Variants in PTGR2 observed in about 807,000 individuals in gnomAD.
The protein encoded by PTGR2 is prostaglandin reductase 2, also known as 15-oxoprostaglandin 13-reductase.
In PTGR2, 32 loss-of-function variants were observed where a neutral mutation model predicts 43.4. The ratio of observed to expected loss-of-function variants is 0.74; its 90% CI spans 0.56 to 0.99. The LOEUF is 0.99. Among genes scored for constraint, PTGR2 ranks in the 50% least tolerant of loss-of-function variants. The pLI is 0.00. For missense variants in PTGR2, 373 were observed against 420.0 expected, an observed-to-expected ratio of 0.89 and a Z score of 0.98; for synonymous variants, 106 against 139.2, an observed-to-expected ratio of 0.76 and a Z score of 1.68.
At chr14:73,868,171 C>A (rs1340876541) in intron 3 of PTGR2, among the ~76,000 whole-genome samples, 3 of 152,162 alleles carry the variant, frequency 2.0e-5, no homozygotes, top group Non-Finnish European at 4.4e-5. Flanking sequence ...TGCCTGTAGT[C>A]CCAGCTACTT....
At position 73,879,575 on chromosome 14, in the gene PTGR2, G is replaced by T. The variant is rs2054936071; in HGVS notation, c.729+270G>T. 1.8e-5 allele frequency: 7 copies of T among 386,214 alleles called. No homozygotes were observed. The South Asian group carries it at 2.1e-4, about 12-fold the overall frequency. The allele number at this position is 386,214 out of a possible 1,614,324, so 23.9% of individuals were successfully genotyped here. On this transcript the variant is annotated intron_variant, in intron 6 of 9. Transcript: ENST00000555661. Reference sequence around the variant, plus strand: ...TTTATTTTTGTGAAAAATTACAGTTGCATTGTTGAAATGCTGAAGCACTGA... The same window carrying T: ...TTTATTTTTGTGAAAAATTACAGTTTCATTGTTGAAATGCTGAAGCACTGA...
chr14:73,854,456 C>A (rs1197178116), intron 1 of PTGR2, among the ~76,000 whole-genome samples: 1 of 152,118 alleles, frequency 6.6e-6, no homozygotes, highest in Non-Finnish European at 1.5e-5. Flanking sequence ...GGATATCACA[C>A]AATTATCCTA....
chr14:73,875,490 C>T (rs1294594180), intron 4 of PTGR2, among the ~76,000 whole-genome samples: 5 of 152,090 alleles, frequency 3.3e-5, no homozygotes, highest in African/African-American at 4.8e-5. Context: ...GGATTACAGG[C>T]GTCTACCACC....
chr14:73,863,179 T>A (rs563306601), intron 3 of PTGR2, among the ~76,000 whole-genome samples: 1 of 152,308 alleles, frequency 6.6e-6, no homozygotes, highest in African/African-American at 2.4e-5. Flanking sequence ...TATGGTATAA[T>A]TAGCAATCAT....
At chr14:73,854,805 C>G (rs544158792) in intron 1 of PTGR2, among the ~76,000 whole-genome samples, 1 of 152,032 alleles carries the variant, frequency 6.6e-6, no homozygotes, top group East Asian at 1.9e-4. Flanking sequence ...CATATGTAGC[C>G]CTACATGACA....
At chr14:73,873,416 A>T (rs1052892045) in intron 3 of PTGR2, among the ~76,000 whole-genome samples, 17 of 152,102 alleles carry the variant, frequency 1.1e-4, no homozygotes, top group African/African-American at 4.1e-4. Context: ...TTGTGGTGAG[A>T]ACACTTAGAA....
intron 7 of PTGR2, 151 bp from the exon 8 acceptor site, chr14:73,881,054 G>A (rs936868599): frequency 3.9e-6 from 2 of 514,142 alleles, no homozygotes; most frequent in Non-Finnish European, 7.1e-6. Context: ...ATTTACACCT[G>A]TAACTATGCA....
chr14:73,856,408 C>A (rs548853373), intron 1 of PTGR2, among the ~76,000 whole-genome samples: 1 of 127,282 alleles, frequency 7.9e-6, no homozygotes, highest in Non-Finnish European at 1.8e-5. Flanking sequence ...ACCTGCCCAC[C>A]GGCTATTTTT....
At chr14:73,853,489 A>G (rs2054277870) in intron 1 of PTGR2, among the ~76,000 whole-genome samples, 2 of 151,756 alleles carry the variant, frequency 1.3e-5, no homozygotes, top group Admixed American at 6.6e-5. Context: ...CGCCGGGCTG[A>G]TTTTTGTATT....
At chr14:73,862,340 C>T (rs1011586754) in intron 3 of PTGR2, among the ~76,000 whole-genome samples, 7 of 152,050 alleles carry the variant, frequency 4.6e-5, no homozygotes, top group Non-Finnish European at 1.0e-4. Flanking sequence ...CCCGAGCAGC[C>T]AGGACTACAG....
At chr14:73,875,951 G>A (rs138959441) in intron 4 of PTGR2, among the ~76,000 whole-genome samples, 24 of 150,338 alleles carry the variant, frequency 1.6e-4, no homozygotes, top group African/African-American at 5.1e-4. Flanking sequence ...CTTCTGAGTA[G>A]CTGGGTTTTG....
chr14:73,879,957 CAG>C, intron 6 of PTGR2, 96 bp from the exon 7 acceptor site: 1 of 1,232,700 alleles, frequency 8.1e-7, no homozygotes, highest in Non-Finnish European at 1.1e-6. Flanking sequence ...AACTAGTTGA[CAG>C]AAAGGATTAA....
intron 1 of PTGR2, among the ~76,000 whole-genome samples, chr14:73,854,768 A>T (rs2054305881): frequency 6.6e-6 from 1 of 152,198 alleles, no homozygotes; most frequent in Non-Finnish European, 1.5e-5. Context: ...ACATATGGTG[A>T]TTCTGTAGAA....
At chr14:73,855,785 C>T (rs985405902) in intron 1 of PTGR2, among the ~76,000 whole-genome samples, 3 of 146,876 alleles carry the variant, frequency 2.0e-5, no homozygotes, top group Admixed American at 6.8e-5. Context: ...GGGCCGGGCG[C>T]GGTGGCTCAT....
intron 9 of PTGR2, among the ~76,000 whole-genome samples, chr14:73,883,270 C>T (rs186343101): frequency 7.9e-6 from 1 of 127,020 alleles, no homozygotes. Flanking sequence ...GTGGCATGAT[C>T]ATAGCTAACT....
chr14:73,869,975 G>A (rs2054688572), intron 3 of PTGR2, among the ~76,000 whole-genome samples: 1 of 151,642 alleles, frequency 6.6e-6, no homozygotes, highest in African/African-American at 2.4e-5. Context: ...GCATTGAGCT[G>A]AGATTGTGCC....
At chr14:73,856,589 T>C (rs2140230789) in intron 1 of PTGR2, among the ~76,000 whole-genome samples, 1 of 152,292 alleles carries the variant, frequency 6.6e-6, no homozygotes, top group South Asian at 2.1e-4. Flanking sequence ...TACTGTACTT[T>C]TTCTATGTTT....
chr14:73,881,476 T>C (rs1207838241), intron 8 of PTGR2, among the ~76,000 whole-genome samples, 184 bp downstream of exon 8: 1 of 152,228 alleles, frequency 6.6e-6, no homozygotes, highest in Non-Finnish European at 1.5e-5. Flanking sequence ...CAACAAACCC[T>C]TGCTTGTTAT....
chr14:73,867,969 T>C (rs997341336), intron 3 of PTGR2, among the ~76,000 whole-genome samples: 1 of 152,204 alleles, frequency 6.6e-6, no homozygotes, highest in Non-Finnish European at 1.5e-5. Flanking sequence ...TTGAGACCAA[T>C]CAGCCTTGAC....
Sources: gnomAD v4.1 joint callset for allele counts (sites outside exome capture counted in the v4.1 genomes callset) on GRCh38, gnomAD v4.1.1 for gene constraint, MANE v1.5 for transcripts, NCBI Gene and HGNC (gene_info 2026-07-23, HGNC 2026-07-21) for gene names.